POLR1D: variants seen among roughly 807,000 people sequenced by gnomAD.
POLR1D encodes DNA-directed RNA polymerases I and III subunit RPAC2.
In POLR1D, 8 loss-of-function variants were observed where a neutral mutation model predicts 10.8. The observed-to-expected ratio is 0.74, with a 90% CI of 0.43 to 1.33. POLR1D has a LOEUF of 1.33. Among genes scored for constraint, POLR1D ranks in the 40% most tolerant of loss-of-function variants. The probability of loss-of-function intolerance (pLI) is 0.01; values close to 1 mark genes in which losing one functional copy is unlikely to be tolerated. For synonymous variants in POLR1D, 54 were observed against 57.2 expected, an observed-to-expected ratio of 0.94 and a Z score of 0.25; for missense variants, 152 against 161.7, an observed-to-expected ratio of 0.94 and a Z score of 0.32.
chr13:27,646,769 ATGAAAAAAGT>A (rs1407772562), intron 1 of POLR1D, among the ~76,000 whole-genome samples: 5 of 152,262 alleles, frequency 3.3e-5, no homozygotes, highest in African/African-American at 1.2e-4. Context: ...CGAGAAACAG[ATGAAAAAAGT>A]TGAAATTGTT....
upstream of POLR1D, chr13:27,621,719 G>C (rs1955923601): frequency 3.5e-6 from 1 of 287,656 alleles, no homozygotes; most frequent in Admixed American, 5.3e-5. Context: ...CTCCCGCCGC[G>C]AGTGGCCTCG....
chr13:27,665,639 T>C, intron 2 of POLR1D: 1 of 1,566,156 alleles, frequency 6.4e-7, no homozygotes. Flanking sequence ...GCTTTGGAGT[T>C]AACCATTTGA....
intron 2 of POLR1D, among the ~76,000 whole-genome samples, chr13:27,652,562 C>A (rs1254694903): frequency 6.6e-6 from 1 of 152,166 alleles, no homozygotes; most frequent in Non-Finnish European, 1.5e-5. Flanking sequence ...GGAAGGCACA[C>A]CCCTTTCCTT....
At chr13:27,646,410 C>A (rs933496077) in intron 1 of POLR1D, among the ~76,000 whole-genome samples, 2 of 152,130 alleles carry the variant, frequency 1.3e-5, no homozygotes, top group Admixed American at 1.3e-4. Context: ...TTTCAGCAGG[C>A]CATATCATTA....
chr13:27,638,065 A>C (rs990119838), intron 1 of POLR1D, among the ~76,000 whole-genome samples: 2 of 152,214 alleles, frequency 1.3e-5, no homozygotes, highest in Non-Finnish European at 2.9e-5. Context: ...CCTCAAAGCC[A>C]TGTTTGATGC....
exon 3 of POLR1D, chr13:27,666,138 G>A (rs1418620028): frequency 1.7e-6 from 1 of 597,356 alleles, no homozygotes; most frequent in Non-Finnish European, 2.9e-6. Context: ...GAGGAAACAA[G>A]TGCAAAGGAG....
chr13:27,624,958 TAAGAA>T (rs1191186198), downstream of POLR1D, among the ~76,000 whole-genome samples: 119 of 151,920 alleles, frequency 7.8e-4, 1 homozygote, highest in Non-Finnish European at 4.3e-4. Flanking sequence ...ATAGAAAACA[TAAGAA>T]AGGAATCTAC....
At chr13:27,648,624 C>G (rs1956241292) in intron 2 of POLR1D, among the ~76,000 whole-genome samples, 1 of 152,136 alleles carries the variant, frequency 6.6e-6, no homozygotes, top group Non-Finnish European at 1.5e-5. Flanking sequence ...TTGAGAAACT[C>G]TAATAACATG....
In POLR1D at chr13:27,622,945, G is replaced by C. The variant is rs751267443; in HGVS notation, c.97G>C (p.Ala33Pro). ...RKTALEMVQAAGTDRHCVTFV... is the reference protein window; with the variant it reads ...RKTALEMVQAPGTDRHCVTFV... ...GACAGCCCTGGAAATGGTCCAGGCA[G>C]CTGGAACAGATAGACACTGTGTGAC... Residue 33 changes from alanine to proline, a missense_variant, in exon 2 of 2, where the codon GCT becomes CCT. Ala to Pro is a conservative substitution (Grantham distance 27). Coordinates refer to ENST00000302979, the MANE Select transcript of POLR1D (RefSeq NM_015972.4). 2 of 1,612,856 alleles carry C rather than the reference G, an allele frequency of 1.2e-6. No homozygotes were observed. Among genetic ancestry groups the C allele is most frequent in the South Asian group, 2.2e-5 (2 of 91,058 alleles).
downstream of POLR1D, among the ~76,000 whole-genome samples, chr13:27,626,416 A>G (rs1956010617): frequency 6.6e-6 from 1 of 152,190 alleles, no homozygotes; most frequent in Non-Finnish European, 1.5e-5. Context: ...GTGACCATAA[A>G]CTCACGGGTT....
intron 1 of POLR1D, among the ~76,000 whole-genome samples, chr13:27,630,162 C>G (rs1956059280): frequency 6.6e-6 from 1 of 152,086 alleles, no homozygotes; most frequent in Admixed American, 6.5e-5. Context: ...CCGCCCGCCT[C>G]CGGCTCCCAA....
intron 2 of POLR1D, among the ~76,000 whole-genome samples, chr13:27,648,805 T>C (rs913782038): frequency 2.0e-5 from 3 of 152,242 alleles, no homozygotes; most frequent in Non-Finnish European, 4.4e-5. Flanking sequence ...CTTATAGTCC[T>C]TAGTAAATTA....
chr13:27,623,208 C>G lies in POLR1D; in HGVS notation c.360C>G (p.Asp120Glu), dbSNP rs1406954604. Residue 120 changes from aspartate to glutamate, a missense_variant, in exon 2 of 2, where the codon GAC (aspartate) becomes GAG (glutamate). By Grantham distance (45) the Asp-to-Glu change is conservative. Transcript: ENST00000302979. ...VLDKFEASIK[D>E]YKDQKASRNE... ...ACAAGTTTGAGGCCAGCATAAAGGACTATAAGGATCAAAAAGCAAGCAGAA... is the reference window on the plus strand; with the variant it reads ...ACAAGTTTGAGGCCAGCATAAAGGAGTATAAGGATCAAAAAGCAAGCAGAA... 3 of 1,614,048 alleles carry G rather than the reference C, an allele frequency of 1.9e-6. No homozygotes were observed. The South Asian group carries it at 3.3e-5, about 18-fold the overall frequency.
chr13:27,665,490 CAAG>C (rs1192284150), intron 2 of POLR1D: 27 of 610,636 alleles, frequency 4.4e-5, no homozygotes, highest in Non-Finnish European at 7.8e-5. Context: ...AGTCTTGTCT[CAAG>C]AATTCCAATC....
At chr13:27,632,024 T>C (rs762780504) in intron 1 of POLR1D, among the ~76,000 whole-genome samples, 11 of 152,184 alleles carry the variant, frequency 7.2e-5, no homozygotes, top group Non-Finnish European at 1.0e-4. Context: ...GTAAGCATCA[T>C]AGAGAGCCTT....
intron 1 of POLR1D, among the ~76,000 whole-genome samples, chr13:27,635,696 C>CTATATATATATATATATATATA (rs3081355): frequency 1.4e-5 from 2 of 140,576 alleles, no homozygotes; most frequent in African/African-American, 2.6e-5. Flanking sequence ...TACAAAGTAA[C>CTATATATATATATATATATATA]TATATATATA....
At position 27,623,026 on chromosome 13, in the gene POLR1D, A is replaced by G. The variant is rs1169369775; in HGVS notation, c.178A>G (p.Met60Val). Residue 60 changes from methionine (M) to valine (V), a missense_variant, in exon 2 of 2, where the codon ATG becomes GTG. Physicochemically the swap from Met to Val is conservative, Grantham distance 21. Coordinates refer to ENST00000302979, the MANE Select transcript of POLR1D (RefSeq NM_015972.4). ...TLGNSLRYMI[M>V]KNPEVEFCGY... Reference sequence around the variant, plus strand: ...AGGAAATTCTCTACGTTACATGATCATGAAGAACCCGGAAGTGGAATTTTG... The same window carrying G: ...AGGAAATTCTCTACGTTACATGATCGTGAAGAACCCGGAAGTGGAATTTTG... The G allele has an allele frequency of 3.7e-6, 6 of 1,614,050 alleles. No individual in the cohort carries two copies. Among genetic ancestry groups the G allele is most frequent in the Non-Finnish European group, 5.1e-6 (6 of 1,180,000 alleles).
At chr13:27,658,644 A>G (rs1043872871) in intron 2 of POLR1D, among the ~76,000 whole-genome samples, 7 of 152,176 alleles carry the variant, frequency 4.6e-5, no homozygotes, top group African/African-American at 1.7e-4. Context: ...GCCATTTTTT[A>G]TTTTATAAAG....
At chr13:27,636,739 ATC>A (rs1956127797) in intron 1 of POLR1D, among the ~76,000 whole-genome samples, 1 of 152,028 alleles carries the variant, frequency 6.6e-6, no homozygotes, top group Non-Finnish European at 1.5e-5. Context: ...AGCATGATCT[ATC>A]TCTCAGAATT....
Sources: gnomAD v4.1 joint callset for allele counts (sites outside exome capture counted in the v4.1 genomes callset) on GRCh38, gnomAD v4.1.1 for gene constraint, MANE v1.5 for transcripts, NCBI Gene and HGNC (gene_info 2026-07-23, HGNC 2026-07-21) for gene names.